The following PLEKHA7 variants were observed in gnomAD, a reference collection of about 807,000 sequenced individuals.
PLEKHA7 encodes the protein pleckstrin homology domain-containing family A member 7.
A neutral mutation model predicts 170.0 loss-of-function variants in PLEKHA7; 104 were observed. The observed-to-expected ratio is 0.61, with a 90% CI of 0.52 to 0.72. PLEKHA7 has a LOEUF of 0.72. Ranked by LOEUF, PLEKHA7 falls within the 30% of genes least tolerant of loss-of-function variation. The probability of loss-of-function intolerance (pLI) is 0.00; values close to 1 mark genes in which losing one functional copy is unlikely to be tolerated. For missense variants in PLEKHA7, 1,615 were observed against 1,671.7 expected (o/e 0.97, Z 0.59); for synonymous variants, 648 against 660.8 (o/e 0.98, Z 0.30).
At chr11:16,887,792 T>A (rs1856252192) in intron 3 of PLEKHA7, among the ~76,000 whole-genome samples, 1 of 152,212 alleles carries the variant, frequency 6.6e-6, no homozygotes, top group Admixed American at 6.5e-5. Context: ...AGTGCCGAGA[T>A]TCCAGCCTCT....
At chr11:16,921,416 C>T (rs1397649415) in intron 3 of PLEKHA7, among the ~76,000 whole-genome samples, 1 of 152,176 alleles carries the variant, frequency 6.6e-6, no homozygotes. Flanking sequence ...CCCACAGACC[C>T]TATGGATGAG....
intron 3 of PLEKHA7, among the ~76,000 whole-genome samples, chr11:17,001,497 G>A (rs564829153): frequency 1.3e-5 from 2 of 152,234 alleles, no homozygotes; most frequent in Admixed American, 6.5e-5. Flanking sequence ...CTTCCGAGAC[G>A]AGGACAAGCT....
intron 3 of PLEKHA7, among the ~76,000 whole-genome samples, chr11:16,931,320 C>G (rs1316304072): frequency 6.6e-6 from 1 of 152,138 alleles, no homozygotes; most frequent in African/African-American, 2.4e-5. Flanking sequence ...TGCTTGTGGT[C>G]TGGAACCCAC....
chr11:16,889,413 A>AT (rs1565076172), intron 3 of PLEKHA7, among the ~76,000 whole-genome samples: 13 of 116,412 alleles, frequency 1.1e-4, no homozygotes, highest in African/African-American at 4.0e-4. Context: ...AAAAAAAAAA[A>AT]AAAAAAAATA....
chr11:16,902,928 T>C (rs1857429779), intron 3 of PLEKHA7, among the ~76,000 whole-genome samples: 1 of 152,158 alleles, frequency 6.6e-6, no homozygotes, highest in Admixed American at 6.5e-5. Flanking sequence ...ATAAATGCTT[T>C]GAAACAGCTC....
At chr11:16,977,892 C>G (rs891409299) in intron 3 of PLEKHA7, among the ~76,000 whole-genome samples, 3 of 152,180 alleles carry the variant, frequency 2.0e-5, no homozygotes, top group African/African-American at 7.2e-5. Context: ...TTTCCCTCAT[C>G]CTCGGTCTGC....
intron 3 of PLEKHA7, among the ~76,000 whole-genome samples, chr11:16,927,570 T>G (rs906219426): frequency 5.3e-5 from 8 of 151,884 alleles, no homozygotes; most frequent in Non-Finnish European, 1.2e-4. Context: ...CCCTGGGTCA[T>G]CCAAAAAAAC....
At chr11:16,790,950 G>C in intron 20 of PLEKHA7, 35 bp from the exon 21 acceptor site, 1 of 1,613,382 alleles carries the variant, frequency 6.2e-7, no homozygotes, top group Non-Finnish European at 8.5e-7. Context: ...TGACCTGCCA[G>C]TGTCACACCC....
chr11:16,826,445 G>A lies in PLEKHA7; in HGVS notation c.1018C>T (p.Gln340Ter), dbSNP rs775605692. Residue 340 changes from glutamine to a stop codon, truncating the protein, a stop_gained, in exon 10 of 27, where the codon CAG becomes TAG. Transcript: ENST00000531066. LOFTEE classifies it high-confidence loss of function. ...TGGGAACGGTACTGCTCTCCCTCCT[G>A]CTCCTGCCTCTCGAAGTTGACAATG... ...DDIVNFERQE[Q>*]EGEQYRSQRD... is the part of the protein sequence containing the mutation. The A allele has an allele frequency of 3.7e-6, 6 of 1,614,096 alleles. No individual in the cohort carries two copies. The highest frequency in any genetic ancestry group is 8.5e-7 in the Non-Finnish European group (1 of 1,180,058).
intron 3 of PLEKHA7, among the ~76,000 whole-genome samples, chr11:16,921,468 ATTTATGT>A (rs1222062135): frequency 6.6e-6 from 1 of 152,216 alleles, no homozygotes; most frequent in Non-Finnish European, 1.5e-5. Context: ...TATTTTACAA[ATTTATGT>A]TCAGACTTAG....
chr11:16,786,788 G>A lies in PLEKHA7; in HGVS notation c.3358-401C>T, dbSNP rs914745044. On this transcript the variant is annotated intron_variant, in intron 23 of 26. Coordinates refer to ENST00000531066, the MANE Select transcript of PLEKHA7 (RefSeq NM_001329630.2). ...ATACGTCCCAGGCTCAGAATTAATG[G>A]AAAAACACGCCCTTCAAGGCCCTGC... is the stretch of plus-strand genomic sequence containing the variant. 15 of 985,364 alleles carry A rather than the reference G, an allele frequency of 1.5e-5. No individual in the cohort carries two copies. The African/African-American group carries it at 2.6e-4, about 17-fold the overall frequency. The allele number at this position is 985,364 out of a possible 1,614,324, so 61.0% of individuals were successfully genotyped here. A position where few individuals can be genotyped will look rare whatever the true frequency, so the allele number is the denominator to read the frequency against.
chr11:17,014,278 C>T (rs1865537453), intron 1 of PLEKHA7, 38 bp downstream of exon 1: 1 of 1,414,338 alleles, frequency 7.1e-7, no homozygotes, highest in Non-Finnish European at 9.2e-7. Context: ...CCCGCGCCCC[C>T]ACCCGCGTCC....
chr11:16,969,776 C>T (rs1862596756), intron 3 of PLEKHA7, among the ~76,000 whole-genome samples: 1 of 152,218 alleles, frequency 6.6e-6, no homozygotes, highest in Non-Finnish European at 1.5e-5. Flanking sequence ...GCCCTTTGAG[C>T]ACCAGAGTCC....
Position 16,789,384 on chromosome 11 carries a change from G to C in PLEKHA7, c.3157-88C>G. ...CCACCCTGCTGGCTGCATTCCCGTT[G>C]TCTCTCTCTCACACACATGCACACT... is the stretch of plus-strand genomic sequence containing the variant. On this transcript the variant is annotated intron_variant, in intron 22 of 26. Coordinates refer to ENST00000531066, the MANE Select transcript of PLEKHA7 (RefSeq NM_001329630.2). This position sits in a 1 kb window ranked among gnomAD's most constrained non-coding sequence, Gnocchi z 4.6. 7.8e-7 allele frequency: 1 copy of C among 1,283,140 alleles called. No homozygotes were observed. The highest frequency in any genetic ancestry group is 2.3e-5 in the East Asian group (1 of 43,036). The allele number at this position is 1,283,140 out of a possible 1,614,324, so 79.5% of individuals were successfully genotyped here. A position where few individuals can be genotyped will look rare whatever the true frequency, so the allele number is the denominator to read the frequency against.
intron 13 of PLEKHA7, among the ~76,000 whole-genome samples, chr11:16,812,665 C>G (rs1008070704): frequency 1.3e-5 from 2 of 152,190 alleles, no homozygotes; most frequent in Non-Finnish European, 2.9e-5. Flanking sequence ...AGATGGGAGA[C>G]TACCGGTGAG....
intron 3 of PLEKHA7, among the ~76,000 whole-genome samples, chr11:16,887,377 G>A (rs1007789734): frequency 6.8e-6 from 1 of 146,068 alleles, no homozygotes; most frequent in African/African-American, 2.5e-5. Context: ...CTCTCCCCAC[G>A]GTCTGCCTCT....
rs113345254 is a variant in PLEKHA7, at chr11:16,950,050, G to C, written c.221+63939C>G. Among the ~76,000 whole-genome samples the C allele has an allele frequency of 5.1e-3, 722 of 142,524 alleles. 4 individuals are homozygous for C. Among genetic ancestry groups the C allele is most frequent in the Middle Eastern group, 0.014 (4 of 280 alleles). 93.5% of individuals were successfully genotyped at this position (142,524 alleles called of 152,430 possible). ...GAAAACCAGACAGCAAATGGTTAAG[G>C]GGGGAGTGAAGGCAGAGTAAAGTGT... On this transcript the variant is annotated intron_variant, in intron 3 of 26. Coordinates refer to ENST00000531066, the MANE Select transcript of PLEKHA7 (RefSeq NM_001329630.2).
intron 3 of PLEKHA7, among the ~76,000 whole-genome samples, chr11:16,980,045 A>C (rs1175549154): frequency 6.6e-6 from 1 of 152,212 alleles, no homozygotes; most frequent in African/African-American, 2.4e-5. Flanking sequence ...AGTAATGACC[A>C]ACAGCCACAG....
At chr11:17,001,725 C>T (rs1206908996) in intron 3 of PLEKHA7, among the ~76,000 whole-genome samples, 2 of 149,106 alleles carry the variant, frequency 1.3e-5, no homozygotes, top group African/African-American at 4.9e-5. Context: ...AGCCAGCAGC[C>T]CCAGGAAGAG....
Sources: gnomAD v4.1 joint callset for allele counts (sites outside exome capture counted in the v4.1 genomes callset) on GRCh38, gnomAD v4.1.1 for gene constraint, Gnocchi (gnomAD v3.1) non-coding constraint, MANE v1.5 for transcripts, NCBI Gene and HGNC (gene_info 2026-07-23, HGNC 2026-07-21) for gene names.